The following ADH4 variants were observed in gnomAD, a reference collection of about 807,000 sequenced individuals.
ADH4 encodes all-trans-retinol dehydrogenase [NAD(+)] ADH4.
ADH4 carries 31 observed loss-of-function variants against 35.2 expected under a neutral mutation model. The ratio of observed to expected loss-of-function variants is 0.88; its 90% CI spans 0.66 to 1.19. The LOEUF is 1.19. Ranked by LOEUF, ADH4 falls within the 50% of genes most tolerant of loss-of-function variation. The pLI, the probability that ADH4 is intolerant of heterozygous loss-of-function variation, is 0.00. For missense variants in ADH4, 476 were observed against 458.3 expected, an observed-to-expected ratio of 1.04 and a Z score of -0.35; for synonymous variants, 171 against 160.2, an observed-to-expected ratio of 1.07 and a Z score of -0.51.
Position 99,127,343 on chromosome 4 carries a change from TTCTGTGATG to T in ADH4, c.844-8_844del. ...TGCGGTTGTACAGTCCAGGGCTGCT[TTCTGTGATG>T]GAGCATAAAAGAATACTTGAGTCAG... On this transcript the variant is annotated splice_acceptor_variant and splice_polypyrimidine_tract_variant and coding_sequence_variant and intron_variant, in exon 7 of 9. Transcript: ENST00000265512. LOFTEE classifies it high-confidence loss of function. The T allele has an allele frequency of 1.9e-6, 3 of 1,588,480 alleles. No individual in the cohort carries two copies. Among genetic ancestry groups the T allele is most frequent in the Non-Finnish European group, 2.6e-6 (3 of 1,169,162 alleles).
intron 1 of ADH4, among the ~76,000 whole-genome samples, chr4:99,143,959 T>G (rs1190017420): frequency 1.3e-5 from 2 of 152,242 alleles, no homozygotes; most frequent in Non-Finnish European, 2.9e-5. Context: ...ACAGCACAGT[T>G]ACTTAAATCT....
chr4:99,124,247 A>G lies in ADH4; in HGVS notation c.*195T>C. 2 of 476,508 alleles carry G rather than the reference A, an allele frequency of 4.2e-6. No individual in the cohort carries two copies. Among genetic ancestry groups the G allele is most frequent in the East Asian group, 4.1e-5 (1 of 24,194 alleles). 29.5% of individuals were successfully genotyped at this position (476,508 alleles called of 1,614,324 possible). A position where few individuals can be genotyped will look rare whatever the true frequency, so the allele number is the denominator to read the frequency against. On this transcript the variant is annotated 3_prime_UTR_variant, in exon 9 of 9. Coordinates refer to ENST00000265512, the MANE Select transcript of ADH4 (RefSeq NM_000670.5). The stretch of plus-strand genomic sequence containing the variant: ...CTATTCATAAACACTAGTTATTATT[A>G]TTATTTAACATAGGGAATATTCATA...
intron 6 of ADH4, among the ~76,000 whole-genome samples, chr4:99,127,550 G>A (rs1021265612): frequency 3.3e-5 from 5 of 152,146 alleles, no homozygotes; most frequent in Non-Finnish European, 5.9e-5. Context: ...AGCACAGTCC[G>A]GGTGCAGGTG....
chr4:99,128,208 G>C (rs1422651987), intron 6 of ADH4, among the ~76,000 whole-genome samples: 1 of 152,170 alleles, frequency 6.6e-6, no homozygotes, highest in Admixed American at 6.5e-5. Flanking sequence ...GCCAAGGCAG[G>C]TGGATCACTT....
chr4:99,137,246 GC>G (rs940125796), intron 4 of ADH4, among the ~76,000 whole-genome samples: 1 of 152,100 alleles, frequency 6.6e-6, no homozygotes, highest in African/African-American at 2.4e-5. Flanking sequence ...TCCTGCCTCA[GC>G]CTCCCGAGTA....
At position 99,131,738 on chromosome 4, in the gene ADH4, G is replaced by C; in HGVS notation, c.609C>G (p.Val203=). The C allele has an allele frequency of 6.2e-7, 1 of 1,614,098 alleles. No homozygotes were observed. The highest frequency in any genetic ancestry group is 8.5e-7 in the Non-Finnish European group (1 of 1,179,994). ...AKVTPGSTCA[V]FGLGGVGLSA... Reference sequence around the variant, plus strand: ...AAAGACCCACACCTCCTAGGCCAAAGACAGCACAAGTCGAACCAGGGGTGA... The same window carrying C: ...AAAGACCCACACCTCCTAGGCCAAACACAGCACAAGTCGAACCAGGGGTGA... The change falls in exon 6 of 9, where the codon GTC becomes GTG. Residue 203 remains valine, a synonymous_variant. Coordinates refer to ENST00000265512, the MANE Select transcript of ADH4 (RefSeq NM_000670.5).
At chr4:99,131,318 T>G (rs1039131581) in intron 6 of ADH4, among the ~76,000 whole-genome samples, 186 bp downstream of exon 6, 1 of 152,090 alleles carries the variant, frequency 6.6e-6, no homozygotes, top group African/African-American at 2.4e-5. Flanking sequence ...GGGGGACACA[T>G]TCATGGGCAT....
chr4:99,130,845 T>C (rs1307761543), intron 6 of ADH4, among the ~76,000 whole-genome samples: 6 of 152,138 alleles, frequency 3.9e-5, no homozygotes, highest in Non-Finnish European at 7.4e-5. Flanking sequence ...TATGTTAATA[T>C]TAAATATAAC....
intron 8 of ADH4, among the ~76,000 whole-genome samples, chr4:99,126,366 G>C (rs912205387): frequency 6.6e-6 from 1 of 152,170 alleles, no homozygotes; most frequent in Non-Finnish European, 1.5e-5. Flanking sequence ...AATGGAAATT[G>C]TATCAATTTA....
In ADH4 at chr4:99,136,529, C is replaced by T. The variant is rs1470371355; in HGVS notation, c.519G>A (p.Glu173=). 4.3e-6 allele frequency: 7 copies of T among 1,614,042 alleles called. No homozygotes were observed. Among genetic ancestry groups the T allele is most frequent in the Non-Finnish European group, 5.9e-6 (7 of 1,180,034 alleles). Residue 173 remains glutamate, a synonymous_variant, in exon 5 of 9, where the codon GAG becomes GAA. Transcript: ENST00000265512. ...ACCCACATCCAAGCAGACAAACTCT[C>T]TCTAAATTTGCATCATCATCTATTT... ...LAKIDDDANL[E]RVCLLGCGFS...
intron 5 of ADH4, among the ~76,000 whole-genome samples, chr4:99,133,192 T>C (rs1729340922): frequency 6.6e-6 from 1 of 152,180 alleles, no homozygotes; most frequent in Non-Finnish European, 1.5e-5. Context: ...ACTTGTATTA[T>C]ACAACTGGAC....
chr4:99,132,915 A>G (rs749889363), intron 5 of ADH4, among the ~76,000 whole-genome samples: 1 of 152,136 alleles, frequency 6.6e-6, no homozygotes, highest in Non-Finnish European at 1.5e-5. Flanking sequence ...AGGTATACAC[A>G]CCTCTGGCTT....
intron 6 of ADH4, among the ~76,000 whole-genome samples, chr4:99,128,377 G>A (rs28987098): frequency 0.21 from 32,063 of 152,108 alleles, 4,053 homozygotes; most frequent in Non-Finnish European, 0.29. Context: ...TGGAGGTTGC[G>A]GTGAGCCAAA....
At chr4:99,131,814 T>A in intron 5 of ADH4, 50 bp from the exon 6 acceptor site, 1 of 1,572,056 alleles carries the variant, frequency 6.4e-7, no homozygotes, top group Non-Finnish European at 8.6e-7. Context: ...CAGTCCCACT[T>A]TTTTTCTTTT....
Position 99,127,214 on chromosome 4 carries a change from A to G in ADH4, c.974T>C (p.Phe325Ser). 6.2e-7 allele frequency: 1 copy of G among 1,600,044 alleles called. No homozygotes were observed. The highest frequency in any genetic ancestry group is 1.2e-5 in the South Asian group (1 of 86,654). The change falls in exon 7 of 9, where the codon TTT (phenylalanine) becomes TCT (serine). Residue 325 changes from phenylalanine to serine, a missense_variant. Physicochemically the swap from Phe to Ser is radical, Grantham distance 155. Transcript: ENST00000265512. ...TGAAGAAAAAAAAAACTGACCACCAAAGAATGTTCCATTTATAGTACGGCC... is the reference window on the plus strand; with the variant it reads ...TGAAGAAAAAAAAAACTGACCACCAGAGAATGTTCCATTTATAGTACGGCC... ...IIGRTINGTF[F>S]GGWKSVDSIP...
At position 99,142,672 on chromosome 4, in the gene ADH4, C is replaced by T; in HGVS notation, c.120+7G>A. On this transcript the variant is annotated splice_region_variant and intron_variant, in intron 2 of 8. Coordinates refer to ENST00000265512, the MANE Select transcript of ADH4 (RefSeq NM_000670.5). ...TCTGTTCCCACCCAAGGAAAGTCTCCACTTACCTGAATGCGAACTTCATGA... is the reference window on the plus strand; with the variant it reads ...TCTGTTCCCACCCAAGGAAAGTCTCTACTTACCTGAATGCGAACTTCATGA... The T allele has an allele frequency of 1.9e-6, 3 of 1,556,366 alleles. No homozygotes were observed. The highest frequency in any genetic ancestry group is 2.6e-6 in the Non-Finnish European group (3 of 1,154,828).
At chr4:99,141,447 A>C in intron 3 of ADH4, 94 bp downstream of exon 3, 1 of 1,251,878 alleles carries the variant, frequency 8.0e-7, no homozygotes, top group Non-Finnish European at 1.1e-6. Context: ...TTTTGTAAAT[A>C]GAGATCAATT....
In ADH4 at chr4:99,141,546, T is replaced by A; in HGVS notation, c.257A>T (p.Lys86Ile). ...ESIGPGVTNV[K>I]PGDKVIPLYA... ...TTCTGAATAAAATAAAATACCTGGT[T>A]TGACGTTGGTCACTCCTGGCCCAAT... The change falls in exon 3 of 9, where the codon AAA becomes ATA. Residue 86 changes from lysine (K) to isoleucine (I), a missense_variant. Transcript: ENST00000265512. 1 of 1,605,336 alleles carries A rather than the reference T, an allele frequency of 6.2e-7. No homozygotes were observed. The highest frequency in any genetic ancestry group is 8.5e-7 in the Non-Finnish European group (1 of 1,177,072).
chr4:99,134,119 G>A (rs1469137659), intron 5 of ADH4, among the ~76,000 whole-genome samples: 1 of 152,122 alleles, frequency 6.6e-6, no homozygotes, highest in Non-Finnish European at 1.5e-5. Flanking sequence ...GCTCACAGAA[G>A]CAGAGACTAG....
Sources: allele counts gnomAD v4.1 joint callset (sites outside exome capture counted in the v4.1 genomes callset), GRCh38; gene constraint gnomAD v4.1.1; transcripts MANE v1.5; gene names NCBI Gene and HGNC (gene_info 2026-07-23, HGNC 2026-07-21).